The following FAM81A variants were observed in gnomAD, a reference collection of about 807,000 sequenced individuals.
The protein encoded by FAM81A is family with sequence similarity 81 member A.
FAM81A carries 19 observed loss-of-function variants against 46.7 expected under a neutral mutation model. That is an observed-to-expected ratio of 0.41 (90% CI 0.28 to 0.60). The LOEUF is 0.60. Among genes scored for constraint, FAM81A ranks in the 20% least tolerant of loss-of-function variants. The probability of loss-of-function intolerance (pLI) is 0.34; values close to 1 mark genes in which losing one functional copy is unlikely to be tolerated. For missense variants in FAM81A, 377 were observed against 453.5 expected (o/e 0.83, Z 1.53); for synonymous variants, 183 against 152.9 (o/e 1.20, Z -1.45).
intron 3 of FAM81A, among the ~76,000 whole-genome samples, chr15:59,464,005 C>A (rs879324717): frequency 6.6e-6 from 1 of 152,082 alleles, no homozygotes; most frequent in Admixed American, 6.6e-5. Flanking sequence ...ATTCTCTATT[C>A]TAATTTTTAC....
chr15:59,423,323 C>T (rs1183695479), intron 2 of FAM81A, among the ~76,000 whole-genome samples: 1 of 152,190 alleles, frequency 6.6e-6, no homozygotes, highest in Non-Finnish European at 1.5e-5. Flanking sequence ...TGGTCTCGAT[C>T]TCCTCACCTC....
chr15:59,423,693 A>C (rs552724951), intron 2 of FAM81A, among the ~76,000 whole-genome samples: 6 of 152,362 alleles, frequency 3.9e-5, no homozygotes, highest in Non-Finnish European at 7.3e-5. Context: ...AGAAGCTAAC[A>C]AAATACAGAA....
intron 1 of FAM81A, among the ~76,000 whole-genome samples, chr15:59,454,010 C>G (rs1420703050): frequency 4.6e-5 from 7 of 152,184 alleles, no homozygotes; most frequent in Non-Finnish European, 8.8e-5. Context: ...CCACAACTTC[C>G]TATCACTCCT....
chr15:59,465,162 A>C (rs147333126), intron 3 of FAM81A, among the ~76,000 whole-genome samples: 7 of 152,086 alleles, frequency 4.6e-5, no homozygotes, highest in African/African-American at 1.4e-4. Flanking sequence ...TTTCTGTTCC[A>C]TTGTTCTATG....
At chr15:59,412,061 G>A (rs1181909142) in intron 2 of FAM81A, among the ~76,000 whole-genome samples, 7 of 151,950 alleles carry the variant, frequency 4.6e-5, no homozygotes, top group African/African-American at 1.7e-4. Context: ...GGGATAGAGT[G>A]AGGTGGGAGG....
At chr15:59,422,231 A>G (rs1442682315) in intron 2 of FAM81A, among the ~76,000 whole-genome samples, 5 of 152,046 alleles carry the variant, frequency 3.3e-5, no homozygotes, top group Non-Finnish European at 7.4e-5. Flanking sequence ...TACACAAAAT[A>G]AAAAGAATTA....
intron 1 of FAM81A, 55 bp from the exon 2 acceptor site, chr15:59,458,495 A>T: frequency 8.0e-7 from 1 of 1,242,636 alleles, no homozygotes; most frequent in Non-Finnish European, 1.1e-6. Context: ...TAAGCTTTTG[A>T]GGTTAAGTTC....
Position 59,460,245 on chromosome 15 carries a change from C to T in FAM81A, c.294+39C>T, listed in dbSNP as rs775349087. Reference sequence around the variant, plus strand: ...AAGTCAGGTGGCCTATGTCCCTTTCCACAGAATTGCTCCATGTCAGGAGGT... The same window carrying T: ...AAGTCAGGTGGCCTATGTCCCTTTCTACAGAATTGCTCCATGTCAGGAGGT... On this transcript the variant is annotated intron_variant, in intron 3 of 8. Coordinates refer to ENST00000288228, the MANE Select transcript of FAM81A (RefSeq NM_152450.3). This position sits in a 1 kb window ranked among gnomAD's most constrained non-coding sequence, Gnocchi z 4.4. 6.2e-7 allele frequency: 1 copy of T among 1,613,690 alleles called. No individual in the cohort carries two copies. The highest frequency in any genetic ancestry group is 8.5e-7 in the Non-Finnish European group (1 of 1,179,830).
At chr15:59,432,478 C>A (rs1312063067) in intron 2 of FAM81A, among the ~76,000 whole-genome samples, 1 of 152,188 alleles carries the variant, frequency 6.6e-6, no homozygotes, top group African/African-American at 2.4e-5. Context: ...ACTTTACCTA[C>A]TGAAGTTTGT....
chr15:59,468,734 G>C (rs1470147312), intron 3 of FAM81A, among the ~76,000 whole-genome samples: 1 of 151,174 alleles, frequency 6.6e-6, no homozygotes, highest in Non-Finnish European at 1.5e-5. Flanking sequence ...TTTGAGCTTA[G>C]TTATTTCTTG....
At chr15:59,512,121 T>A (rs912070799) in intron 6 of FAM81A, among the ~76,000 whole-genome samples, 1 of 152,112 alleles carries the variant, frequency 6.6e-6, no homozygotes, top group Non-Finnish European at 1.5e-5. Flanking sequence ...CACAGACATA[T>A]GTTGAGTGAA....
At chr15:59,406,794 A>G (rs551482768) in intron 2 of FAM81A, among the ~76,000 whole-genome samples, 1 of 152,048 alleles carries the variant, frequency 6.6e-6, no homozygotes, top group East Asian at 1.9e-4. Flanking sequence ...TGTTCAGCTC[A>G]GTTCTCAACA....
In FAM81A at chr15:59,508,905, C is replaced by T; in HGVS notation, c.586C>T (p.Gln196Ter). 6.2e-7 allele frequency: 1 copy of T among 1,613,364 alleles called. No homozygotes were observed. The highest frequency in any genetic ancestry group is 8.5e-7 in the Non-Finnish European group (1 of 1,179,518). The change falls in exon 6 of 9, where the codon CAG (glutamine) becomes TAG (stop). Residue 196 changes from glutamine (Q) to a stop codon, truncating the protein, a stop_gained. Coordinates refer to ENST00000288228, the MANE Select transcript of FAM81A (RefSeq NM_152450.3). LOFTEE classifies it high-confidence loss of function. ...CAGAGTGGACTTGTCAATATCAGAG[C>T]AGAGCACCAAACTGAAGATGTCTCA... ...LNRVDLSISE[Q>*]STKLKMSHRD...
intron 1 of FAM81A, among the ~76,000 whole-genome samples, chr15:59,457,066 A>G (rs1401815469): frequency 6.6e-6 from 1 of 152,232 alleles, no homozygotes. Flanking sequence ...ATGATTCTAA[A>G]TAACAGCATT....
chr15:59,414,972 T>A (rs1481077187), intron 2 of FAM81A, among the ~76,000 whole-genome samples: 2 of 146,584 alleles, frequency 1.4e-5, no homozygotes, highest in East Asian at 4.1e-4. Context: ...TCCGCCACAA[T>A]GCCTGGCTAA....
chr15:59,488,204 T>C (rs2081942150), intron 3 of FAM81A, among the ~76,000 whole-genome samples: 1 of 152,158 alleles, frequency 6.6e-6, no homozygotes, highest in African/African-American at 2.4e-5. Context: ...GAAAAAGCAT[T>C]GGATAAAATT....
intron 2 of FAM81A, among the ~76,000 whole-genome samples, chr15:59,423,594 A>G (rs1279081391): frequency 3.3e-5 from 5 of 152,360 alleles, no homozygotes; most frequent in African/African-American, 1.2e-4. Flanking sequence ...ATATGTGACA[A>G]AAGGGAATTA....
chr15:59,445,623 G>A (rs1271905522), intron 1 of FAM81A: 2 of 152,188 alleles, frequency 1.3e-5, no homozygotes, highest in Non-Finnish European at 2.9e-5. Flanking sequence ...ATAGACTGGA[G>A]ACTGGATCTT....
chr15:59,486,030 T>G (rs2081913167), intron 3 of FAM81A, among the ~76,000 whole-genome samples: 1 of 151,908 alleles, frequency 6.6e-6, no homozygotes, highest in Non-Finnish European at 1.5e-5. Flanking sequence ...AATACGGAAA[T>G]TAGCCAGGTG....
Sources: allele counts gnomAD v4.1 joint callset (sites outside exome capture counted in the v4.1 genomes callset), GRCh38; gene constraint gnomAD v4.1.1; non-coding constraint Gnocchi (gnomAD v3.1); transcripts MANE v1.5; gene names NCBI Gene and HGNC (gene_info 2026-07-23, HGNC 2026-07-21).